The following SLX4IP variants were observed in gnomAD, a reference collection of about 807,000 sequenced individuals.
The protein encoded by SLX4IP is protein SLX4IP.
A neutral mutation model predicts 32.9 loss-of-function variants in SLX4IP; 34 were observed. The ratio of observed to expected loss-of-function variants is 1.03; its 90% CI spans 0.79 to 1.38. SLX4IP has a LOEUF of 1.38. Among genes scored for constraint, SLX4IP ranks in the 40% most tolerant of loss-of-function variants. The probability of loss-of-function intolerance (pLI) is 0.00; values close to 1 mark genes in which losing one functional copy is unlikely to be tolerated. For synonymous variants in SLX4IP, 172 were observed against 171.7 expected (o/e 1.00, Z -0.01); for missense variants, 444 against 479.0 (o/e 0.93, Z 0.68).
At position 10,624,124 on chromosome 20, in the gene SLX4IP, T is replaced by C. The variant is rs1277212389; in HGVS notation, c.*745T>C. 1.3e-5 allele frequency: 2 copies of C among 152,234 alleles called. No individual in the cohort carries two copies. Among genetic ancestry groups the C allele is most frequent in the Non-Finnish European group, 2.9e-5 (2 of 68,054 alleles). 9.4% of individuals were successfully genotyped at this position (152,234 alleles called of 1,614,324 possible). A position where few individuals can be genotyped will look rare whatever the true frequency, so the allele number is the denominator to read the frequency against. ...GTGTATGGGTCACTCTCTTCCGGGTTCTACAGTATGGCAGCCATGGCACCC... is the reference window on the plus strand; with the variant it reads ...GTGTATGGGTCACTCTCTTCCGGGTCCTACAGTATGGCAGCCATGGCACCC... On this transcript the variant is annotated 3_prime_UTR_variant, in exon 8 of 8. Coordinates refer to ENST00000334534, the MANE Select transcript of SLX4IP (RefSeq NM_001009608.3).
intron 2 of SLX4IP, among the ~76,000 whole-genome samples, chr20:10,499,451 A>G (rs2065697784): frequency 1.3e-5 from 2 of 152,178 alleles, no homozygotes; most frequent in Admixed American, 6.5e-5. Flanking sequence ...TCAGTTAAAC[A>G]TATTGGTTGT....
intron 4 of SLX4IP, among the ~76,000 whole-genome samples, chr20:10,582,263 TTC>T (rs2066595224): frequency 1.3e-5 from 2 of 152,206 alleles, no homozygotes; most frequent in South Asian, 4.1e-4. Flanking sequence ...GATCTGACAC[TTC>T]TCCATAGGCC....
intron 2 of SLX4IP, among the ~76,000 whole-genome samples, chr20:10,487,872 G>T (rs1223802209): frequency 1.3e-5 from 2 of 152,204 alleles, no homozygotes; most frequent in Admixed American, 1.3e-4. Context: ...AGGAAGTTAG[G>T]ATACATTGGT....
chr20:10,539,411 A>G (rs1373984313), intron 2 of SLX4IP, among the ~76,000 whole-genome samples: 3 of 152,146 alleles, frequency 2.0e-5, no homozygotes, highest in Admixed American at 2.0e-4. Context: ...TAATTAGTAA[A>G]TCTGTAGGGA....
In SLX4IP at chr20:10,479,352, C is replaced by CTTTTTTCTTT. The variant is rs1555807614; in HGVS notation, c.27+21127_27+21128insCTTTTTTTTT. On this transcript the variant is annotated intron_variant, in intron 2 of 7. Coordinates refer to ENST00000334534, the MANE Select transcript of SLX4IP (RefSeq NM_001009608.3). ...TTCTCATCGCTCAAATTCCATATTTCTTTTTTTTTTTTTTTTTTGAGATGG... is the reference window on the plus strand; with the variant it reads ...TTCTCATCGCTCAAATTCCATATTTCTTTTTTCTTTTTTTTTTTTTTTTTTTTTGAGATGG... Among the ~76,000 whole-genome samples the CTTTTTTCTTT allele has an allele frequency of 6.8e-5, 5 of 73,744 alleles. 1 individual carries two copies. The highest frequency in any genetic ancestry group is 1.3e-4 in the Non-Finnish European group (4 of 29,918). The allele number at this position is 73,744 out of a possible 152,430, so 48.4% of individuals were successfully genotyped here.
chr20:10,590,686 A>C (rs1204966886), intron 4 of SLX4IP, among the ~76,000 whole-genome samples: 1 of 152,156 alleles, frequency 6.6e-6, no homozygotes. Context: ...CAGACCTAAG[A>C]GTCAGAAAGA....
At position 10,622,854 on chromosome 20, in the gene SLX4IP, G is replaced by A. The variant is rs772824322; in HGVS notation, c.702G>A (p.Gly234=). Residue 234 remains glycine (G), a synonymous_variant, in exon 8 of 8, where the codon GGG becomes GGA. Coordinates refer to ENST00000334534, the MANE Select transcript of SLX4IP (RefSeq NM_001009608.3). ...DSIKAAESHW[G]LPVQKLEKVN... The stretch of plus-strand genomic sequence containing the variant: ...TAAAGGCAGCTGAGAGCCACTGGGG[G>A]CTTCCTGTTCAAAAGCTGGAAAAAG... 6 of 1,614,056 alleles carry A rather than the reference G, an allele frequency of 3.7e-6. No homozygotes were observed. Among genetic ancestry groups the A allele is most frequent in the Middle Eastern group, 1.7e-4 (1 of 6,060 alleles).
intron 2 of SLX4IP, among the ~76,000 whole-genome samples, chr20:10,549,547 A>C (rs1043501866): frequency 2.0e-5 from 3 of 152,240 alleles, no homozygotes; most frequent in Non-Finnish European, 2.9e-5. Flanking sequence ...AGTGGGTTCC[A>C]GGCTAGACAG....
intron 4 of SLX4IP, among the ~76,000 whole-genome samples, chr20:10,574,704 T>A (rs1273141832): frequency 1.3e-5 from 2 of 151,994 alleles, no homozygotes; most frequent in African/African-American, 2.4e-5. Context: ...TGAGATGGAG[T>A]TTCACTCTTG....
intron 2 of SLX4IP, among the ~76,000 whole-genome samples, chr20:10,475,921 A>G (rs2065472145): frequency 1.3e-5 from 2 of 152,218 alleles, no homozygotes; most frequent in African/African-American, 4.8e-5. Flanking sequence ...TGGCAGTCTC[A>G]TAGACAGGCC....
chr20:10,465,835 A>T (rs1442353383), intron 2 of SLX4IP, among the ~76,000 whole-genome samples: 1 of 152,202 alleles, frequency 6.6e-6, no homozygotes, highest in Non-Finnish European at 1.5e-5. Flanking sequence ...GCACATCTCA[A>T]TTCCTATTAG....
intron 2 of SLX4IP, among the ~76,000 whole-genome samples, chr20:10,518,829 C>G (rs372699308): frequency 1.3e-5 from 2 of 152,178 alleles, no homozygotes; most frequent in East Asian, 3.9e-4. Flanking sequence ...TTTGGCCTCC[C>G]AAAGTGCTGG....
chr20:10,573,479 A>G (rs1404876439), intron 4 of SLX4IP, among the ~76,000 whole-genome samples: 1 of 152,230 alleles, frequency 6.6e-6, no homozygotes, highest in African/African-American at 2.4e-5. Flanking sequence ...AGTTATTACA[A>G]TGGGCAGTTA....
chr20:10,518,548 TCC>T (rs1491371073), intron 2 of SLX4IP, among the ~76,000 whole-genome samples: 1 of 74,002 alleles, frequency 1.4e-5, no homozygotes, highest in African/African-American at 4.5e-5. Context: ...CTTCCTTCCT[TCC>T]TTTCCTTCTT....
chr20:10,484,803 C>T (rs74989827), intron 2 of SLX4IP, among the ~76,000 whole-genome samples: 57 of 152,146 alleles, frequency 3.7e-4, no homozygotes, highest in Non-Finnish European at 7.5e-4. Context: ...CATATAATCC[C>T]AAGTATTCAA....
rs145926067 is a variant in SLX4IP at position 10,500,839 on chromosome 20, T to A, written c.27+42608T>A. On this transcript the variant is annotated intron_variant, in intron 2 of 7. Transcript: ENST00000334534. ...TTGCCCCTCATGATGTCTCAGGTAC[T>A]CATTTCAGGATTCTAATTTGCAACC... is the stretch of plus-strand genomic sequence containing the variant. Among the ~76,000 whole-genome samples the A allele has an allele frequency of 7.9e-5, 12 of 152,344 alleles. No homozygotes were observed. The East Asian group carries it at 2.1e-3, about 27-fold the overall frequency.
chr20:10,567,140 A>G (rs1200435075), intron 4 of SLX4IP, among the ~76,000 whole-genome samples: 2 of 152,182 alleles, frequency 1.3e-5, no homozygotes, highest in African/African-American at 2.4e-5. Flanking sequence ...CACATTGCTT[A>G]TGAGCCCTTT....
At chr20:10,557,868 C>T (rs910382302) in intron 3 of SLX4IP, among the ~76,000 whole-genome samples, 1 of 152,176 alleles carries the variant, frequency 6.6e-6, no homozygotes, top group Non-Finnish European at 1.5e-5. Context: ...TGCGTGGATG[C>T]TCATAGTACC....
At chr20:10,517,593 A>G (rs1417055161) in intron 2 of SLX4IP, among the ~76,000 whole-genome samples, 1 of 152,210 alleles carries the variant, frequency 6.6e-6, no homozygotes, top group Non-Finnish European at 1.5e-5. Context: ...GCCGCTTGCT[A>G]ACATCTCAGT....
Sources: gnomAD v4.1 joint callset for allele counts (sites outside exome capture counted in the v4.1 genomes callset) on GRCh38, gnomAD v4.1.1 for gene constraint, MANE v1.5 for transcripts, NCBI Gene and HGNC (gene_info 2026-07-23, HGNC 2026-07-21) for gene names.